Variants in RBFOX1 observed in about 807,000 individuals in gnomAD.
RBFOX1 encodes the protein RNA binding fox-1 homolog 1.
A neutral mutation model predicts 57.7 loss-of-function variants in RBFOX1; 8 were observed. That is an observed-to-expected ratio of 0.14 (90% CI 0.08 to 0.25). The LOEUF is 0.25. RBFOX1 is among the 10% of genes least tolerant of loss of function. The pLI is 1.00. For synonymous variants in RBFOX1, 326 were observed against 222.4 expected (o/e 1.47, Z -4.15); for missense variants, 611 against 548.5 (o/e 1.11, Z -1.14).
At chr16:6,631,862 G>T (rs542823369) in intron 2 of RBFOX1, among the ~76,000 whole-genome samples, 4 of 152,054 alleles carry the variant, frequency 2.6e-5, no homozygotes, top group Non-Finnish European at 5.9e-5. Context: ...CAAACTTAAT[G>T]CATTTGAGAA....
chr16:6,500,621 A>G (rs2095881885), intron 2 of RBFOX1, among the ~76,000 whole-genome samples: 1 of 152,186 alleles, frequency 6.6e-6, no homozygotes, highest in South Asian at 2.1e-4. Flanking sequence ...CAAGGTGAAG[A>G]GGCAATTGAA....
intron 3 of RBFOX1, among the ~76,000 whole-genome samples, chr16:6,933,625 A>T (rs951298677): frequency 6.6e-6 from 1 of 152,246 alleles, no homozygotes; most frequent in Non-Finnish European, 1.5e-5. Flanking sequence ...AAGCAGAAGA[A>T]TTACTTGAAC....
At chr16:5,971,137 A>T (rs1163897649) in intron 4 of RBFOX1, among the ~76,000 whole-genome samples, 1 of 152,152 alleles carries the variant, frequency 6.6e-6, no homozygotes, top group Non-Finnish European at 1.5e-5. Flanking sequence ...TTTATTGAGG[A>T]TCTACTATGT....
At position 6,117,966 on chromosome 16, in the gene RBFOX1, C is replaced by G. The variant is rs537455565; in HGVS notation, c.-127+97974C>G. ...AAGCGAAATATTTCTAGTAAGAACA[C>G]AAGATGGACATCTGTAACTTTTGAA... is the stretch of plus-strand genomic sequence containing the variant. On this transcript the variant is annotated intron_variant, in intron 1 of 15. Coordinates refer to ENST00000550418, the MANE Select transcript of RBFOX1 (RefSeq NM_018723.4). Among the ~76,000 whole-genome samples, 244 of 152,232 alleles carry G rather than the reference C, an allele frequency of 1.6e-3. 1 individual carries two copies. The highest frequency in any genetic ancestry group is 5.1e-3 in the African/African-American group (212 of 41,532).
intron 2 of RBFOX1, among the ~76,000 whole-genome samples, chr16:5,510,779 G>T (rs1344049051): frequency 1.3e-5 from 2 of 152,152 alleles, no homozygotes; most frequent in African/African-American, 4.8e-5. Context: ...AATTCAGTGT[G>T]GCGGGGCTGT....
chr16:5,336,196 C>A (rs1344196811), intron 1 of RBFOX1, among the ~76,000 whole-genome samples: 1 of 152,084 alleles, frequency 6.6e-6, no homozygotes, highest in Non-Finnish European at 1.5e-5. Context: ...GGACAGAAAG[C>A]CAGGTCTGCT....
At chr16:7,207,300 G>A (rs932979611) in intron 4 of RBFOX1, among the ~76,000 whole-genome samples, 1 of 152,068 alleles carries the variant, frequency 6.6e-6, no homozygotes, top group East Asian at 1.9e-4. Context: ...GCTTCAGGTT[G>A]GTGAGTCATG....
chr16:5,408,686 C>T (rs184812422), intron 1 of RBFOX1, among the ~76,000 whole-genome samples: 220 of 152,314 alleles, frequency 1.4e-3, no homozygotes, highest in African/African-American at 5.0e-3. Flanking sequence ...CTGCAGGCTG[C>T]GTAGGCATGG....
intron 3 of RBFOX1, chr16:6,704,059 C>T (rs1413821070): frequency 1.3e-5 from 2 of 152,394 alleles, no homozygotes; most frequent in African/African-American, 4.8e-5. Context: ...TCCTCGAGCT[C>T]TTTGAAGTTG....
chr16:6,911,356 G>T (rs920996020), intron 3 of RBFOX1, among the ~76,000 whole-genome samples: 3 of 152,116 alleles, frequency 2.0e-5, no homozygotes, highest in Non-Finnish European at 2.9e-5. Context: ...AGATCAAGGT[G>T]TCAGGAGGGT....
chr16:6,392,274 A>G (rs2092638791), intron 2 of RBFOX1, among the ~76,000 whole-genome samples: 1 of 152,208 alleles, frequency 6.6e-6, no homozygotes, highest in Non-Finnish European at 1.5e-5. Flanking sequence ...ACTGCGTCTT[A>G]TTTTGTCTTC....
At chr16:7,700,831 AGAATAG>A (rs1329620906) in intron 14 of RBFOX1, among the ~76,000 whole-genome samples, 7 of 152,154 alleles carry the variant, frequency 4.6e-5, no homozygotes, top group African/African-American at 1.4e-4. Context: ...AGAGGTTTTC[AGAATAG>A]GAAGAGGTTT....
chr16:5,270,008 A>G (rs2062965282), intron 1 of RBFOX1, among the ~76,000 whole-genome samples: 4 of 152,124 alleles, frequency 2.6e-5, no homozygotes, highest in Admixed American at 2.0e-4. Flanking sequence ...GAAAAAATAA[A>G]TAGCAGCTGG....
intron 3 of RBFOX1, among the ~76,000 whole-genome samples, chr16:6,863,131 G>A (rs374135546): frequency 6.6e-6 from 1 of 152,052 alleles, no homozygotes; most frequent in African/African-American, 2.4e-5. Context: ...TGGATGAAGA[G>A]AAATTAATAA....
At chr16:6,688,760 G>T (rs373262250) in intron 3 of RBFOX1, among the ~76,000 whole-genome samples, 2 of 152,068 alleles carry the variant, frequency 1.3e-5, no homozygotes, top group African/African-American at 4.8e-5. Context: ...TCTACATTAG[G>T]TATTTCTCCT....
At chr16:7,037,981 G>C (rs776189915) in intron 3 of RBFOX1, among the ~76,000 whole-genome samples, 2 of 151,920 alleles carry the variant, frequency 1.3e-5, no homozygotes, top group South Asian at 4.2e-4. Flanking sequence ...CAATGAGAAA[G>C]AAAAAAAATT....
chr16:6,691,735 C>G (rs1322118216), intron 3 of RBFOX1, among the ~76,000 whole-genome samples: 2 of 152,112 alleles, frequency 1.3e-5, no homozygotes, highest in Non-Finnish European at 2.9e-5. Flanking sequence ...CCGCACATGG[C>G]CAAGGAATTT....
At chr16:7,372,148 C>A (rs1389370069) in intron 4 of RBFOX1, among the ~76,000 whole-genome samples, 1 of 152,110 alleles carries the variant, frequency 6.6e-6, no homozygotes, top group African/African-American at 2.4e-5. Context: ...AGATGTGATT[C>A]AAAACTTACC....
chr16:7,432,393 G>A (rs752709313), intron 4 of RBFOX1, among the ~76,000 whole-genome samples: 6 of 152,176 alleles, frequency 3.9e-5, no homozygotes, highest in East Asian at 1.9e-4. Context: ...AATCCCAGAA[G>A]AGAAGCTTTT....
Sources: gnomAD v4.1 joint callset for allele counts (sites outside exome capture counted in the v4.1 genomes callset) on GRCh38, gnomAD v4.1.1 for gene constraint, MANE v1.5 for transcripts, NCBI Gene and HGNC (gene_info 2026-07-23, HGNC 2026-07-21) for gene names.